Variants in IARS1 observed in about 807,000 individuals in gnomAD.
IARS1 encodes the protein isoleucine--tRNA ligase, cytoplasmic.
Under a neutral mutation model 168.2 loss-of-function variants are expected in IARS1, and 124 were observed. The ratio of observed to expected loss-of-function variants is 0.74; its 90% CI spans 0.64 to 0.86. The LOEUF (loss-of-function observed/expected upper bound fraction) is 0.86, where lower values mean the gene tolerates loss of function less well. Among genes scored for constraint, IARS1 ranks in the 40% least tolerant of loss-of-function variants. IARS1 has a pLI of 0.00. For missense variants in IARS1, 1,452 were observed against 1,515.8 expected (o/e 0.96, Z 0.70); for synonymous variants, 532 against 529.4 (o/e 1.00, Z -0.07).
intron 27 of IARS1, 91 bp from the exon 28 acceptor site, chr9:92,243,402 C>A: frequency 1.3e-6 from 1 of 792,948 alleles, no homozygotes; most frequent in South Asian, 1.6e-5. Flanking sequence ...TCTGGAGAGT[C>A]TATAATGCAG....
Position 92,243,191 on chromosome 9 carries a change from GCTTATT to G in IARS1, c.3000+19_3000+24del, listed in dbSNP as rs758873803. ...AAACAAACAAAAAGCCAAAACAGTA[GCTTATT>G]CTTAACTGACAAACTAACCTTTTTG... On this transcript the variant is annotated intron_variant, in intron 28 of 33. Coordinates refer to ENST00000443024, the MANE Select transcript of IARS1 (RefSeq NM_002161.6). 1.1e-5 allele frequency: 18 copies of G among 1,573,160 alleles called. No homozygotes were observed. The highest frequency in any genetic ancestry group is 1.6e-5 in the Non-Finnish European group (18 of 1,143,548).
chr9:92,274,700 C>T (rs556600610), intron 9 of IARS1, among the ~76,000 whole-genome samples, 179 bp from the exon 10 acceptor site: 119 of 152,138 alleles, frequency 7.8e-4, no homozygotes, highest in Non-Finnish European at 1.4e-3. Context: ...ACATTTTTCC[C>T]ATAAATAAAA....
chr9:92,259,393 G>A (rs1473861744), intron 18 of IARS1, among the ~76,000 whole-genome samples: 1 of 152,160 alleles, frequency 6.6e-6, no homozygotes, highest in African/African-American at 2.4e-5. Context: ...TCACAAGGAA[G>A]AGCCTTCACA....
Position 92,277,857 on chromosome 9 carries a change from G to C in IARS1, c.894+6C>G. On this transcript the variant is annotated splice_donor_region_variant and intron_variant, in intron 9 of 33. Coordinates refer to ENST00000443024, the MANE Select transcript of IARS1 (RefSeq NM_002161.6). ...GAGCGCCCACAGTAGCGGTCCCTAA[G>C]CTTACCTTCAGGAAATAGTCAAACA... The C allele has an allele frequency of 6.2e-7, 1 of 1,612,950 alleles. No individual in the cohort carries two copies. Among genetic ancestry groups the C allele is most frequent in the Middle Eastern group, 1.7e-4 (1 of 6,058 alleles).
intron 28 of IARS1, chr9:92,242,927 T>C: frequency 2.9e-6 from 1 of 347,968 alleles, no homozygotes; most frequent in Non-Finnish European, 5.5e-6. Flanking sequence ...CTATCAGCTC[T>C]GATTACCTTC....
chr9:92,278,779 T>C (rs562561473), intron 7 of IARS1, among the ~76,000 whole-genome samples: 8 of 152,366 alleles, frequency 5.3e-5, no homozygotes, highest in African/African-American at 1.7e-4. Context: ...CTTAATATAC[T>C]GTCAACATAC....
chr9:92,214,543 G>A (rs1340049671), intron 33 of IARS1, among the ~76,000 whole-genome samples: 1 of 152,178 alleles, frequency 6.6e-6, no homozygotes, highest in Non-Finnish European at 1.5e-5. Context: ...CCAGACAGTG[G>A]GCGCAGGTCA....
intron 31 of IARS1, among the ~76,000 whole-genome samples, chr9:92,227,239 CA>C (rs1825847378): frequency 6.7e-6 from 1 of 148,906 alleles, no homozygotes; most frequent in African/African-American, 2.5e-5. Flanking sequence ...TCCGATTTCT[CA>C]ATCTTTTCCC....
At chr9:92,274,667 G>A in intron 9 of IARS1, 146 bp from the exon 10 acceptor site, 2 of 544,624 alleles carry the variant, frequency 3.7e-6, no homozygotes, top group East Asian at 2.9e-5. Context: ...AATGCAGGCT[G>A]GGAAGAAACA....
Position 92,256,710 on chromosome 9 carries a change from G to C in IARS1, c.2107C>G (p.Leu703Val). 6.2e-7 allele frequency: 1 copy of C among 1,613,956 alleles called. No individual in the cohort carries two copies. Reference sequence around the variant, plus strand: ...ATTTCAGTCTCAAAGAAGCCAATGAGAGACTGCATGAAGGACAGGATCCAC... The same window carrying C: ...ATTTCAGTCTCAAAGAAGCCAATGACAGACTGCATGAAGGACAGGATCCAC... ...DRWILSFMQS[L>V]IGFFETEMAA... Residue 703 changes from leucine to valine, a missense_variant, in exon 20 of 34, where the codon CTC (leucine) becomes GTC (valine). Physicochemically the swap from Leu to Val is conservative, Grantham distance 32. Coordinates refer to ENST00000443024, the MANE Select transcript of IARS1 (RefSeq NM_002161.6).
At position 92,265,130 on chromosome 9, in the gene IARS1, A is replaced by G; in HGVS notation, c.1506-7T>C. ...AATGGTCAGGTGGTCAACACTAACA[A>G]ACAGAAAAGTAGTCATTTCTATTAA... On this transcript the variant is annotated splice_polypyrimidine_tract_variant and splice_region_variant and intron_variant, in intron 15 of 33. Transcript: ENST00000443024. 1.2e-6 allele frequency: 2 copies of G among 1,606,324 alleles called. No individual in the cohort carries two copies. The highest frequency in any genetic ancestry group is 1.7e-6 in the Non-Finnish European group (2 of 1,176,828).
At chr9:92,249,981 G>A (rs1213426735) in intron 24 of IARS1, 40 bp from the exon 25 acceptor site, 1 of 1,198,982 alleles carries the variant, frequency 8.3e-7, no homozygotes, top group Admixed American at 1.7e-5. Flanking sequence ...TCAGCAGCCA[G>A]TCCTCTAAAA....
intron 1 of IARS1, among the ~76,000 whole-genome samples, chr9:92,292,842 TTTTG>T (rs1351075404): frequency 3.9e-5 from 6 of 152,232 alleles, no homozygotes; most frequent in Non-Finnish European, 7.4e-5. Context: ...TAAAACCATG[TTTTG>T]TTTAAAATTT....
At chr9:92,236,278 C>T (rs1041878551) in intron 30 of IARS1, among the ~76,000 whole-genome samples, 1 of 152,182 alleles carries the variant, frequency 6.6e-6, no homozygotes, top group Admixed American at 6.5e-5. Flanking sequence ...GCCACCGTGC[C>T]CAGCCTATCT....
At chr9:92,241,611 G>A (rs1828413252) in intron 29 of IARS1, among the ~76,000 whole-genome samples, 1 of 152,098 alleles carries the variant, frequency 6.6e-6, no homozygotes, top group Non-Finnish European at 1.5e-5. Flanking sequence ...CAAAGTGCTG[G>A]GATTACAGGT....
chr9:92,244,805 A>T (rs188816300), intron 27 of IARS1, among the ~76,000 whole-genome samples, 154 bp downstream of exon 27: 1 of 152,376 alleles, frequency 6.6e-6, no homozygotes, highest in East Asian at 1.9e-4. Flanking sequence ...GCATAATAAT[A>T]TATTAGTTTA....
intron 29 of IARS1, among the ~76,000 whole-genome samples, chr9:92,241,755 C>CT (rs75526527): frequency 0.58 from 88,795 of 152,014 alleles, 28,509 homozygotes; most frequent in African/African-American, 0.86. Context: ...TGTAATCTTT[C>CT]TTTTTTTGTA....
chr9:92,257,555 G>A (rs1463573240), intron 19 of IARS1, among the ~76,000 whole-genome samples: 1 of 152,202 alleles, frequency 6.6e-6, no homozygotes, highest in Non-Finnish European at 1.5e-5. Flanking sequence ...GTGGCAGGCT[G>A]CAGAGAGGAG....
intron 30 of IARS1, chr9:92,240,642 C>T (rs747445313): frequency 5.6e-6 from 4 of 716,380 alleles, no homozygotes; most frequent in African/African-American, 1.8e-5. Flanking sequence ...AATCCTCTCA[C>T]CTTGGCTTCC....
Sources: allele counts gnomAD v4.1 joint callset (sites outside exome capture counted in the v4.1 genomes callset), GRCh38; gene constraint gnomAD v4.1.1; transcripts MANE v1.5; gene names NCBI Gene and HGNC (gene_info 2026-07-23, HGNC 2026-07-21).